The following SEL1L2 variants were observed in gnomAD, a reference collection of about 807,000 sequenced individuals.
The protein encoded by SEL1L2 is SEL1L2 adaptor subunit of SYVN1 ubiquitin ligase, also known as protein sel-1 homolog 2.
In SEL1L2, 89 loss-of-function variants were observed where a neutral mutation model predicts 98.8. That is an observed-to-expected ratio of 0.90 (90% CI 0.76 to 1.07). The LOEUF is 1.07. SEL1L2 is among the 50% of genes least tolerant of loss of function. The pLI, the probability that SEL1L2 is intolerant of heterozygous loss-of-function variation, is 0.00. For synonymous variants in SEL1L2, 262 were observed against 278.5 expected (o/e 0.94, Z 0.59); for missense variants, 788 against 812.0 (o/e 0.97, Z 0.36).
At chr20:13,963,597 T>C (rs2148478422) in intron 1 of SEL1L2, among the ~76,000 whole-genome samples, 1 of 151,914 alleles carries the variant, frequency 6.6e-6, no homozygotes, top group East Asian at 1.9e-4. Context: ...ATGCTTGTAG[T>C]CCCAGCTATT....
chr20:13,982,744 A>C (rs1401829197), intron 1 of SEL1L2, among the ~76,000 whole-genome samples: 1 of 151,532 alleles, frequency 6.6e-6, no homozygotes, highest in Non-Finnish European at 1.5e-5. Flanking sequence ...AAGCAGCAGC[A>C]GGCCAGGCAC....
rs1369692111 is a variant in SEL1L2 at position 13,944,239 on chromosome 20, T to C, written c.114+11837A>G. Among the ~76,000 whole-genome samples the C allele has an allele frequency of 8.5e-5, 13 of 152,190 alleles. No individual in the cohort carries two copies. In the East Asian group the frequency reaches 2.5e-3, roughly 29 times the overall value. On this transcript the variant is annotated intron_variant, in intron 2 of 19. Transcript: ENST00000284951. ...GGTCAGAGCTCAGAGAAACAGCAAA[T>C]GCCAATCATGTAAAGCCCCATGGGA...
At chr20:13,874,200 G>A (rs1448882527) in intron 12 of SEL1L2, among the ~76,000 whole-genome samples, 1 of 152,188 alleles carries the variant, frequency 6.6e-6, no homozygotes, top group East Asian at 1.9e-4. Flanking sequence ...CAGTCACTGT[G>A]CTTGTTTCTA....
intron 6 of SEL1L2, 97 bp from the exon 7 acceptor site, chr20:13,888,098 A>G (rs2047040870): frequency 2.0e-6 from 2 of 1,020,032 alleles, no homozygotes; most frequent in African/African-American, 3.2e-5. Context: ...TCCTAGCTCC[A>G]TAATGACCCA....
chr20:13,957,368 C>T (rs1175850999), intron 1 of SEL1L2, among the ~76,000 whole-genome samples: 1 of 152,194 alleles, frequency 6.6e-6, no homozygotes, highest in Non-Finnish European at 1.5e-5. Context: ...TCCCAAAGTG[C>T]TGGGATTACA....
chr20:13,946,940 G>A (rs1459204658), intron 2 of SEL1L2, among the ~76,000 whole-genome samples: 1 of 152,230 alleles, frequency 6.6e-6, no homozygotes. Flanking sequence ...GAGCATGGGA[G>A]GGAGGCCGAG....
chr20:13,903,809 C>G (rs2047794421), intron 5 of SEL1L2, among the ~76,000 whole-genome samples: 2 of 151,598 alleles, frequency 1.3e-5, no homozygotes. Flanking sequence ...AGTGAGACTC[C>G]ATCTTAAGAA....
chr20:13,978,941 TTCCGG>T (rs1247713376), intron 1 of SEL1L2, among the ~76,000 whole-genome samples: 5 of 152,048 alleles, frequency 3.3e-5, no homozygotes, highest in South Asian at 2.1e-4. Context: ...CGCCTGTAAT[TTCCGG>T]TCACTTGGGA....
intron 9 of SEL1L2, among the ~76,000 whole-genome samples, chr20:13,886,017 A>G (rs1462948765): frequency 6.6e-6 from 1 of 151,820 alleles, no homozygotes; most frequent in Non-Finnish European, 1.5e-5. Context: ...AGCCCGGGCG[A>G]CAGAGTGAGA....
chr20:13,915,002 T>G, intron 4 of SEL1L2: 2 of 836,054 alleles, frequency 2.4e-6, no homozygotes, highest in Non-Finnish European at 3.2e-6. Flanking sequence ...ATAACTTCGT[T>G]TTGAAGGTAA....
intron 1 of SEL1L2, among the ~76,000 whole-genome samples, chr20:13,984,793 A>G (rs1191896191): frequency 6.7e-6 from 1 of 149,592 alleles, no homozygotes; most frequent in Non-Finnish European, 1.5e-5. Flanking sequence ...TTGCTTTTAA[A>G]TTTTTTTTGC....
chr20:13,924,347 A>G (rs2048788216), intron 3 of SEL1L2, among the ~76,000 whole-genome samples: 1 of 150,072 alleles, frequency 6.7e-6, no homozygotes, highest in Non-Finnish European at 1.5e-5. Flanking sequence ...TAATTTGTTA[A>G]TGTTCTCTTC....
At chr20:13,931,111 T>C (rs1339126433) in intron 3 of SEL1L2, among the ~76,000 whole-genome samples, 2 of 151,360 alleles carry the variant, frequency 1.3e-5, no homozygotes, top group Non-Finnish European at 2.9e-5. Context: ...TGGCGCGATC[T>C]TGGCTCACTG....
At chr20:13,859,766 T>C (rs941468220) in intron 17 of SEL1L2, among the ~76,000 whole-genome samples, 3 of 152,196 alleles carry the variant, frequency 2.0e-5, no homozygotes, top group African/African-American at 7.2e-5. Context: ...TGGAGTGCAA[T>C]GGCACATTCT....
chr20:13,984,283 A>G (rs1475258623), intron 1 of SEL1L2, among the ~76,000 whole-genome samples: 1 of 152,114 alleles, frequency 6.6e-6, no homozygotes, highest in African/African-American at 2.4e-5. Flanking sequence ...AAGTGCTGGG[A>G]TTTCAGGTGT....
chr20:13,853,577 C>T (rs952616890), intron 18 of SEL1L2, among the ~76,000 whole-genome samples: 22 of 152,150 alleles, frequency 1.4e-4, no homozygotes, highest in African/African-American at 5.1e-4. Context: ...GTATTAAATA[C>T]TTACTGTGTG....
chr20:13,956,628 G>A (rs955299584), intron 1 of SEL1L2, among the ~76,000 whole-genome samples: 7 of 151,964 alleles, frequency 4.6e-5, no homozygotes, highest in Non-Finnish European at 8.8e-5. Flanking sequence ...ATTATACCAG[G>A]CTTTGAAATT....
At chr20:13,883,503 T>G (rs1332890559) in intron 10 of SEL1L2, among the ~76,000 whole-genome samples, 1 of 152,242 alleles carries the variant, frequency 6.6e-6, no homozygotes, top group Non-Finnish European at 1.5e-5. Flanking sequence ...CTGTGAGCCT[T>G]GAAGCAATTT....
At chr20:13,958,902 G>A (rs983323730) in intron 1 of SEL1L2, among the ~76,000 whole-genome samples, 6 of 141,846 alleles carry the variant, frequency 4.2e-5, no homozygotes, top group Non-Finnish European at 6.0e-5. Context: ...CAGCCTGGGC[G>A]ACAGAGCGAG....
Sources: allele counts gnomAD v4.1 joint callset (sites outside exome capture counted in the v4.1 genomes callset), GRCh38; gene constraint gnomAD v4.1.1; transcripts MANE v1.5; gene names NCBI Gene and HGNC (gene_info 2026-07-23, HGNC 2026-07-21).